The following AGMO variants were observed in gnomAD, a reference collection of about 807,000 sequenced individuals.
AGMO encodes alkylglycerol monooxygenase.
AGMO carries 75 observed loss-of-function variants against 60.2 expected under a neutral mutation model. The observed-to-expected ratio is 1.25, with a 90% CI of 1.03 to 1.51. AGMO has a LOEUF of 1.51. Among genes scored for constraint, AGMO ranks in the 40% most tolerant of loss-of-function variants. The pLI is 0.00. For missense variants in AGMO, 763 were observed against 525.5 expected, an observed-to-expected ratio of 1.45 and a Z score of -4.42; for synonymous variants, 261 against 177.1, an observed-to-expected ratio of 1.47 and a Z score of -3.76.
chr7:15,194,582 C>T, the AGMO span, among the ~76,000 whole-genome samples: 1 of 152,072 alleles, frequency 6.6e-6, no homozygotes, highest in Non-Finnish European at 1.5e-5. Flanking sequence ...TTTGTGCAAT[C>T]AGTAATATCA....
the AGMO span, among the ~76,000 whole-genome samples, chr7:15,151,458 A>C: frequency 6.6e-6 from 1 of 152,126 alleles, no homozygotes; most frequent in African/African-American, 2.4e-5. Context: ...GTTCAGCACA[A>C]TAAACTTTCA....
chr7:15,315,328 C>CTTTT lies in AGMO; in HGVS notation c.1263+50182_1263+50185dup, dbSNP rs1178276622. 2.1e-3 allele frequency among the ~76,000 whole-genome samples: 99 copies of CTTTT among 48,194 alleles called. 26 individuals are homozygous for CTTTT. The highest frequency in any genetic ancestry group is 4.1e-3 in the African/African-American group (54 of 13,200). The allele number at this position is 48,194 out of a possible 152,430, so 31.6% of individuals were successfully genotyped here. On this transcript the variant is annotated intron_variant, in intron 12 of 12. Transcript: ENST00000342526. ...TAAGCAAAACTTACATGGATATTTGCTTTTTTTTTTTTTTTTTTTTTTTTT... is the reference window on the plus strand; with the variant it reads ...TAAGCAAAACTTACATGGATATTTGCTTTTTTTTTTTTTTTTTTTTTTTTTTTTT...
the AGMO span, among the ~76,000 whole-genome samples, chr7:15,176,266 C>G: frequency 6.6e-6 from 1 of 151,840 alleles, no homozygotes; most frequent in East Asian, 1.9e-4. Flanking sequence ...GTTCCTCTTT[C>G]CTCCTCTGCA....
chr7:15,236,688 A>T (rs1174869212), intron 12 of AGMO, among the ~76,000 whole-genome samples: 1 of 152,148 alleles, frequency 6.6e-6, no homozygotes, highest in Non-Finnish European at 1.5e-5. Flanking sequence ...AGGATATATG[A>T]TTTAAAGATG....
chr7:15,506,172 A>C (rs1783507791), intron 3 of AGMO, among the ~76,000 whole-genome samples: 1 of 152,092 alleles, frequency 6.6e-6, no homozygotes, highest in Non-Finnish European at 1.5e-5. Flanking sequence ...ATATTGCTCA[A>C]AACCTCCAAA....
At chr7:15,485,992 G>C (rs1782911294) in intron 3 of AGMO, among the ~76,000 whole-genome samples, 1 of 151,980 alleles carries the variant, frequency 6.6e-6, no homozygotes, top group Non-Finnish European at 1.5e-5. Flanking sequence ...TCTGTGTTTT[G>C]GATTAAGAAA....
chr7:15,248,016 G>C (rs1347145845), intron 12 of AGMO, among the ~76,000 whole-genome samples: 1 of 150,612 alleles, frequency 6.6e-6, no homozygotes, highest in Non-Finnish European at 1.5e-5. Flanking sequence ...AAGAAGAGAG[G>C]AATTAGTCAA....
At chr7:15,132,845 T>C in the AGMO span, among the ~76,000 whole-genome samples, 3 of 152,162 alleles carry the variant, frequency 2.0e-5, no homozygotes, top group African/African-American at 7.2e-5. Context: ...CAGGGAGTTA[T>C]TACAGCTTAT....
At chr7:15,314,018 A>G (rs964967660) in intron 12 of AGMO, among the ~76,000 whole-genome samples, 79 of 151,882 alleles carry the variant, frequency 5.2e-4, no homozygotes, top group Non-Finnish European at 1.2e-4. Flanking sequence ...ACTTCTGAAG[A>G]TTTGTCAGAA....
At chr7:15,245,907 C>G (rs1782726364) in intron 12 of AGMO, among the ~76,000 whole-genome samples, 1 of 152,160 alleles carries the variant, frequency 6.6e-6, no homozygotes, top group Non-Finnish European at 1.5e-5. Context: ...TATAGGTCAT[C>G]ATCCCCAGGC....
chr7:15,217,363 CTGTG>C (rs1219677667), intron 12 of AGMO, among the ~76,000 whole-genome samples: 19 of 149,988 alleles, frequency 1.3e-4, no homozygotes, highest in Non-Finnish European at 7.4e-5. Context: ...CTCTCTCTCT[CTGTG>C]TGTGTCTCTC....
intron 12 of AGMO, among the ~76,000 whole-genome samples, chr7:15,336,311 C>G (rs1781658841): frequency 6.6e-6 from 1 of 151,878 alleles, no homozygotes; most frequent in African/African-American, 2.4e-5. Context: ...TTTAGAAAAT[C>G]TCAATGCCAA....
the AGMO span, among the ~76,000 whole-genome samples, chr7:15,166,511 A>T: frequency 3.3e-5 from 5 of 152,336 alleles, no homozygotes; most frequent in African/African-American, 9.6e-5. Flanking sequence ...TTTTATTCTC[A>T]GCAAAATGCT....
At chr7:15,170,095 CA>C in the AGMO span, among the ~76,000 whole-genome samples, 3 of 152,142 alleles carry the variant, frequency 2.0e-5, no homozygotes, top group Non-Finnish European at 4.4e-5. Context: ...CGGATATAAA[CA>C]AGAAAGCAGG....
At chr7:15,234,362 T>C (rs1229558634) in intron 12 of AGMO, among the ~76,000 whole-genome samples, 2 of 152,062 alleles carry the variant, frequency 1.3e-5, no homozygotes, top group Non-Finnish European at 2.9e-5. Flanking sequence ...TTCCTCACTT[T>C]CCCCCACACA....
At chr7:15,272,155 T>G (rs1012507024) in intron 12 of AGMO, among the ~76,000 whole-genome samples, 2 of 152,046 alleles carry the variant, frequency 1.3e-5, no homozygotes, top group African/African-American at 4.8e-5. Context: ...TATTATACTT[T>G]AAGTTCTAGG....
intron 10 of AGMO, among the ~76,000 whole-genome samples, chr7:15,383,113 G>A (rs1366849513): frequency 2.0e-5 from 3 of 151,692 alleles, no homozygotes; most frequent in Admixed American, 1.3e-4. Context: ...ACATAGATTC[G>A]TTCAGTGATG....
chr7:15,528,695 C>A (rs1222699185), intron 3 of AGMO, among the ~76,000 whole-genome samples: 2 of 151,892 alleles, frequency 1.3e-5, no homozygotes. Flanking sequence ...TTTGCCCAGG[C>A]TGGAGTGCAA....
chr7:15,445,526 C>T (rs1781678143), intron 3 of AGMO, among the ~76,000 whole-genome samples: 1 of 152,042 alleles, frequency 6.6e-6, no homozygotes, highest in African/African-American at 2.4e-5. Flanking sequence ...ACCAGAGCTA[C>T]CTCATTTGCT....
Sources: allele counts gnomAD v4.1 joint callset (sites outside exome capture counted in the v4.1 genomes callset), GRCh38; gene constraint gnomAD v4.1.1; transcripts MANE v1.5; gene names NCBI Gene and HGNC (gene_info 2026-07-23, HGNC 2026-07-21).